The following HERC4 variants were observed in gnomAD, a reference collection of about 807,000 sequenced individuals.
HERC4 encodes the protein HECT and RLD domain containing E3 ubiquitin protein ligase 4, also known as probable E3 ubiquitin-protein ligase HERC4.
A neutral mutation model predicts 124.3 loss-of-function variants in HERC4; 28 were observed. The observed-to-expected ratio is 0.23, with a 90% CI of 0.17 to 0.31. The LOEUF (loss-of-function observed/expected upper bound fraction) is 0.31. HERC4 is among the 10% of genes least tolerant of loss of function. The probability of loss-of-function intolerance (pLI) is 1.00; values close to 1 mark genes in which losing one functional copy is unlikely to be tolerated. For missense variants in HERC4, 713 were observed against 1,229.3 expected (o/e 0.58, Z 6.28); for synonymous variants, 407 against 421.5 (o/e 0.97, Z 0.42).
chr10:67,949,305 T>A (rs1227789564), intron 19 of HERC4, among the ~76,000 whole-genome samples: 1 of 151,594 alleles, frequency 6.6e-6, no homozygotes, highest in African/African-American at 2.4e-5. Context: ...AAAATAAAAA[T>A]AATAAAAATC....
chr10:68,010,504 C>T (rs1285265942), intron 9 of HERC4: 14 of 957,730 alleles, frequency 1.5e-5, no homozygotes, highest in Non-Finnish European at 2.3e-5. Context: ...AGCTGCTGGG[C>T]AATGTGACTG....
intron 15 of HERC4, among the ~76,000 whole-genome samples, chr10:67,974,950 G>C (rs138376426): frequency 8.1e-4 from 124 of 152,188 alleles, no homozygotes; most frequent in African/African-American, 2.8e-3. Flanking sequence ...CAGAACCTTG[G>C]GAGGCTGAGG....
rs1364331232 is a variant in HERC4 at position 68,068,974 on chromosome 10, C to CA, written c.226+3908dup. On this transcript the variant is annotated intron_variant, in intron 3 of 24. Transcript: ENST00000373700. ...CCATTTGAAAGAATGTTGTAAAACA[C>CA]AAAAAACTGTTTTTTAGATAACAGG... 11 of 860,500 alleles carry CA rather than the reference C, an allele frequency of 1.3e-5. No individual in the cohort carries two copies. The South Asian group carries it at 2.7e-4, about 21-fold the overall frequency. The allele number at this position is 860,500 out of a possible 1,614,324, so 53.3% of individuals were successfully genotyped here.
chr10:68,015,803 G>C (rs2038226933), intron 8 of HERC4, among the ~76,000 whole-genome samples: 1 of 152,052 alleles, frequency 6.6e-6, no homozygotes, highest in Non-Finnish European at 1.5e-5. Flanking sequence ...GGTGAATCTA[G>C]GTAAAAATAT....
chr10:67,969,199 C>A (rs183128473), intron 15 of HERC4, among the ~76,000 whole-genome samples: 8 of 152,108 alleles, frequency 5.3e-5, no homozygotes, highest in Admixed American at 5.2e-4. Flanking sequence ...ACAAGACAAC[C>A]AAGTAGCCTG....
At chr10:68,064,465 A>AGGCGG in intron 3 of HERC4, among the ~76,000 whole-genome samples, 1 of 151,302 alleles carries the variant, frequency 6.6e-6, no homozygotes, top group Non-Finnish European at 1.5e-5. Context: ...GAAGCAGGAG[A>AGGCGG]ATCATCTGAA....
chr10:68,054,918 AT>A (rs2040479240), intron 3 of HERC4, among the ~76,000 whole-genome samples: 1 of 151,950 alleles, frequency 6.6e-6, no homozygotes. Flanking sequence ...ATTTATTTTT[AT>A]TTTTTTATGT....
chr10:68,070,155 T>C (rs749603652), intron 3 of HERC4: 46 of 984,770 alleles, frequency 4.7e-5, no homozygotes, highest in Non-Finnish European at 5.2e-5. Context: ...GACTTTAAAA[T>C]AAATAAGATC....
At chr10:68,073,912 A>C (rs988954573) in intron 1 of HERC4, 7 of 151,828 alleles carry the variant, frequency 4.6e-5, no homozygotes, top group South Asian at 2.1e-4. Flanking sequence ...AGAAAAAAAA[A>C]CATGCAATTT....
intron 3 of HERC4, among the ~76,000 whole-genome samples, chr10:68,059,906 ATAATATTATATATC>A (rs2040910280): frequency 2.7e-5 from 1 of 36,364 alleles, no homozygotes; most frequent in Middle Eastern, 9.6e-3. Context: ...TATATATTAT[ATAATATTATATATC>A]ATAATATTAT....
chr10:68,009,310 A>C (rs2037787379), intron 9 of HERC4, among the ~76,000 whole-genome samples: 1 of 151,678 alleles, frequency 6.6e-6, no homozygotes, highest in Admixed American at 6.6e-5. Context: ...TAGAGATGAG[A>C]GTTAATGTGG....
chr10:68,049,613 A>C (rs891696898), intron 3 of HERC4, among the ~76,000 whole-genome samples: 2 of 150,166 alleles, frequency 1.3e-5, no homozygotes, highest in Admixed American at 6.7e-5. Flanking sequence ...AAAAAAAAAA[A>C]CACTTTGGAA....
At chr10:67,964,880 C>T (rs1185344016) in intron 16 of HERC4, 1 of 152,216 alleles carries the variant, frequency 6.6e-6, no homozygotes, top group Non-Finnish European at 1.5e-5. Context: ...TCAAGCAATT[C>T]TCCTGCCTCA....
At chr10:67,962,227 A>C (rs923383558) in intron 16 of HERC4, among the ~76,000 whole-genome samples, 144 of 151,886 alleles carry the variant, frequency 9.5e-4, no homozygotes, top group African/African-American at 3.4e-3. Flanking sequence ...AATAAGCAAA[A>C]AAAAAAAAGC....
intron 23 of HERC4, among the ~76,000 whole-genome samples, chr10:67,928,134 C>T (rs1027439519): frequency 6.6e-6 from 1 of 152,008 alleles, no homozygotes. Context: ...CTGGAGTGTG[C>T]CTGGAGGGTT....
At chr10:68,049,038 T>C (rs992962197) in intron 3 of HERC4, among the ~76,000 whole-genome samples, 2 of 152,132 alleles carry the variant, frequency 1.3e-5, no homozygotes, top group Non-Finnish European at 2.9e-5. Flanking sequence ...GACCTAGCAA[T>C]TCCAATTCCA....
chr10:67,927,378 C>A (rs534358763), intron 23 of HERC4, among the ~76,000 whole-genome samples: 1 of 104,136 alleles, frequency 9.6e-6, no homozygotes, highest in Admixed American at 1.2e-4. Flanking sequence ...AATAAATACA[C>A]CATATATATA....
chr10:67,953,633 C>T (rs914161078), intron 19 of HERC4, among the ~76,000 whole-genome samples: 2 of 152,134 alleles, frequency 1.3e-5, no homozygotes, highest in African/African-American at 4.8e-5. Flanking sequence ...TATGTTTAAA[C>T]CTATGAATAC....
At chr10:68,069,373 GAA>G (rs2041458067) in intron 3 of HERC4, 1 of 985,060 alleles carries the variant, frequency 1.0e-6, no homozygotes, top group Non-Finnish European at 1.2e-6. Flanking sequence ...CACTTCTCTG[GAA>G]ATAATTCAGA....
Sources: allele counts gnomAD v4.1 joint callset (sites outside exome capture counted in the v4.1 genomes callset), GRCh38; gene constraint gnomAD v4.1.1; transcripts MANE v1.5; gene names NCBI Gene and HGNC (gene_info 2026-07-23, HGNC 2026-07-21).